RASA3: variants seen among roughly 807,000 people sequenced by gnomAD.
RASA3 encodes the protein ras GTPase-activating protein 3.
RASA3 carries 73 observed loss-of-function variants against 110.0 expected under a neutral mutation model. The observed-to-expected ratio is 0.66, with a 90% CI of 0.55 to 0.81. The LOEUF (loss-of-function observed/expected upper bound fraction) is 0.81, where lower values mean the gene tolerates loss of function less well. RASA3 is among the 30% of genes least tolerant of loss of function. The pLI, the probability that RASA3 is intolerant of heterozygous loss-of-function variation, is 0.00. For missense variants in RASA3, 976 were observed against 1,113.2 expected (o/e 0.88, Z 1.75); for synonymous variants, 500 against 451.4 (o/e 1.11, Z -1.37).
chr13:114,119,057 C>G (rs906879655), intron 1 of RASA3, among the ~76,000 whole-genome samples: 56 of 151,122 alleles, frequency 3.7e-4, no homozygotes, highest in Admixed American at 3.0e-3. Context: ...CTCCACCCCC[C>G]GCTTTCCTCC....
At position 114,018,110 on chromosome 13, in the gene RASA3, C is replaced by T. The variant is rs1438731455; in HGVS notation, c.1085G>A (p.Arg362Gln). ...ISAIASAEVK[R>Q]TQDPNTIFRG... ...GGGCAGGGTGGGCACTCACTGGGTC[C>T]GCTTCACCTCCGCGCTGGCGATGGC... Residue 362 changes from arginine to glutamine, a missense_variant, in exon 11 of 24, where the codon CGG (arginine) becomes CAG (glutamine). Physicochemically the swap from Arg to Gln is conservative, Grantham distance 43 (BLOSUM62 1). Transcript: ENST00000334062. 63 of 1,539,952 alleles carry T rather than the reference C, an allele frequency of 4.1e-5. No individual in the cohort carries two copies. Among genetic ancestry groups the T allele is most frequent in the Non-Finnish European group, 5.0e-5 (57 of 1,140,186 alleles).
At chr13:114,081,125 C>CGTAGAACA (rs1566560874) in intron 1 of RASA3, among the ~76,000 whole-genome samples, 2 of 152,174 alleles carry the variant, frequency 1.3e-5, no homozygotes, top group East Asian at 1.9e-4. Flanking sequence ...GGGCCGTCCA[C>CGTAGAACA]CCAAAACGCA....
chr13:114,074,684 C>T (rs987029357), intron 1 of RASA3, among the ~76,000 whole-genome samples: 4 of 152,258 alleles, frequency 2.6e-5, no homozygotes, highest in Non-Finnish European at 5.9e-5. Flanking sequence ...CTAGGTCCAC[C>T]TCTCCCTCCT....
At chr13:114,099,266 C>T (rs2079990746) in intron 1 of RASA3, among the ~76,000 whole-genome samples, 1 of 152,038 alleles carries the variant, frequency 6.6e-6, no homozygotes, top group Non-Finnish European at 1.5e-5. Context: ...ACAGCAGACG[C>T]TCCCAAGCCA....
At chr13:113,992,639 G>T in intron 21 of RASA3, 51 bp from the exon 22 acceptor site, 1 of 1,294,186 alleles carries the variant, frequency 7.7e-7, no homozygotes, top group South Asian at 1.2e-5. Flanking sequence ...TTTAAACGAT[G>T]CTTTTAATAA....
intron 14 of RASA3, among the ~76,000 whole-genome samples, chr13:114,013,471 GTC>G (rs1396072961): frequency 2.4e-5 from 3 of 126,788 alleles, no homozygotes; most frequent in East Asian, 5.0e-4. Flanking sequence ...CTCTCTCCCT[GTC>G]TCTCTCCGTA....
intron 1 of RASA3, among the ~76,000 whole-genome samples, chr13:114,095,108 G>A (rs1401356342): frequency 6.6e-6 from 1 of 152,166 alleles, no homozygotes; most frequent in Non-Finnish European, 1.5e-5. Context: ...CATCAGTGAA[G>A]TTCACACAGG....
chr13:114,120,950 G>C (rs996552691), intron 1 of RASA3, among the ~76,000 whole-genome samples: 2 of 152,182 alleles, frequency 1.3e-5, no homozygotes, highest in Non-Finnish European at 2.9e-5. Flanking sequence ...GTGCTTCCCC[G>C]AGTGGCACAG....
intron 1 of RASA3, 148 bp from the exon 2 acceptor site, chr13:114,073,985 G>A: frequency 1.4e-6 from 1 of 718,206 alleles, no homozygotes; most frequent in East Asian, 2.6e-5. Context: ...TCAAAATGTG[G>A]ATGTGCACCC....
intron 1 of RASA3, among the ~76,000 whole-genome samples, chr13:114,082,178 C>T (rs2079796129): frequency 6.6e-6 from 1 of 152,242 alleles, no homozygotes. Flanking sequence ...CCTCGCCCCA[C>T]TCACCGGGGA....
rs2079093429 is a variant in RASA3, at chr13:114,048,635, G to C, written c.277+3417C>G. 6.6e-6 allele frequency among the ~76,000 whole-genome samples: 1 copy of C among 152,234 alleles called. No individual in the cohort carries two copies. The highest frequency in any genetic ancestry group is 1.5e-5 in the Non-Finnish European group (1 of 68,038). On this transcript the variant is annotated intron_variant, in intron 3 of 23. Coordinates refer to ENST00000334062, the MANE Select transcript of RASA3 (RefSeq NM_007368.4). This position sits in a 1 kb window ranked among gnomAD's most constrained non-coding sequence, Gnocchi z 4.3. ...CGCCCGGCAGCCGAGTCCAGGCAGA[G>C]GCCGCCTCCCTGCGCCTGGAATCCC...
rs565278207 is a variant in RASA3, at chr13:114,122,141, G to A, written c.55+10294C>T. Among the ~76,000 whole-genome samples the A allele has an allele frequency of 3.3e-5, 5 of 152,338 alleles. 1 individual carries two copies. The highest frequency in any genetic ancestry group is 9.6e-5 in the African/African-American group (4 of 41,582). ...CCTTCCAGGCTGCGCAGCCGGCCAC[G>A]GCGGCAGAGCTTCCCCAGGCTGCTC... On this transcript the variant is annotated intron_variant, in intron 1 of 23. Transcript: ENST00000334062.
chr13:114,045,064 G>T (rs777052907), intron 3 of RASA3, among the ~76,000 whole-genome samples: 40 of 152,262 alleles, frequency 2.6e-4, no homozygotes, highest in Non-Finnish European at 5.1e-4. Context: ...TCCCGACGTG[G>T]GGTCACTTCT....
chr13:114,065,567 G>A lies in RASA3; in HGVS notation c.173+8153C>T, dbSNP rs989628136. Among the ~76,000 whole-genome samples the A allele has an allele frequency of 9.2e-5, 14 of 152,132 alleles. No individual in the cohort carries two copies. Among genetic ancestry groups the A allele is most frequent in the African/African-American group, 3.4e-4 (14 of 41,438 alleles). Reference sequence around the variant, plus strand: ...TGGCCAGGGAAAATGCTCCATCTCCGCAAAGGACAGGAGGCAAAACACACC... The same window carrying A: ...TGGCCAGGGAAAATGCTCCATCTCCACAAAGGACAGGAGGCAAAACACACC... On this transcript the variant is annotated intron_variant, in intron 2 of 23. Transcript: ENST00000334062. This position sits in a 1 kb window ranked among gnomAD's most constrained non-coding sequence, Gnocchi z 4.1.
At chr13:114,039,324 C>G (rs886692467) in intron 4 of RASA3, among the ~76,000 whole-genome samples, 1 of 147,306 alleles carries the variant, frequency 6.8e-6, no homozygotes, top group African/African-American at 2.7e-5. Flanking sequence ...CTCCTGTGTC[C>G]CAGGGACGCT....
Position 114,091,820 on chromosome 13 carries a change from G to A in RASA3, c.56-17983C>T, listed in dbSNP as rs555511726. Among the ~76,000 whole-genome samples, 6 of 152,020 alleles carry A rather than the reference G, an allele frequency of 3.9e-5. 1 individual carries two copies. Among genetic ancestry groups the A allele is most frequent in the African/African-American group, 1.4e-4 (6 of 41,458 alleles). ...TTAAATGTTTGAATGATCCATCAGG[G>A]CCTGGGCTTTTTCTTTGCTGGGAGA... On this transcript the variant is annotated intron_variant, in intron 1 of 23. Transcript: ENST00000334062.
rs1566530072 is a variant in RASA3 at position 114,052,137 on chromosome 13, G to A, written c.192C>T (p.Asp64=). 6 of 1,612,846 alleles carry A rather than the reference G, an allele frequency of 3.7e-6. No homozygotes were observed. Among genetic ancestry groups the A allele is most frequent in the Middle Eastern group, 1.7e-4 (1 of 6,054 alleles). Residue 64 remains aspartate, a synonymous_variant, in exon 3 of 24, where the codon GAC becomes GAT. Coordinates refer to ENST00000334062, the MANE Select transcript of RASA3 (RefSeq NM_007368.4). ...EKSLCPFYGE[D]FYCEIPRSFR... ...AGCTCCGAGGAATTTCACAGTAAAA[G>A]TCTTCTCCGTAAAACGGGCTAGTGA...
At chr13:114,005,134 G>A (rs1043402526) in intron 18 of RASA3, among the ~76,000 whole-genome samples, 4 of 152,192 alleles carry the variant, frequency 2.6e-5, no homozygotes, top group South Asian at 2.1e-4. Flanking sequence ...GGGTGGAGGT[G>A]GGAGCGGGAG....
Position 114,018,752 on chromosome 13 carries a change from T to C in RASA3, c.942+11A>G, listed in dbSNP as rs1210672736. On this transcript the variant is annotated intron_variant, in intron 10 of 23. Coordinates refer to ENST00000334062, the MANE Select transcript of RASA3 (RefSeq NM_007368.4). ...CTGCCCACACCCACAGGCCACGGCG[T>C]GGACAAGCACCTCCACATCCGCAGA... The C allele has an allele frequency of 6.8e-6, 11 of 1,612,426 alleles. No homozygotes were observed. Among genetic ancestry groups the C allele is most frequent in the African/African-American group, 1.3e-5 (1 of 74,872 alleles).
Sources: allele counts gnomAD v4.1 joint callset (sites outside exome capture counted in the v4.1 genomes callset), GRCh38; gene constraint gnomAD v4.1.1; non-coding constraint Gnocchi (gnomAD v3.1); transcripts MANE v1.5; gene names NCBI Gene and HGNC (gene_info 2026-07-23, HGNC 2026-07-21).